The following SHISA5 variants were observed in gnomAD, a reference collection of about 807,000 sequenced individuals.
SHISA5 encodes the protein protein shisa-5.
SHISA5 carries 21 observed loss-of-function variants against 27.5 expected under a neutral mutation model. The observed-to-expected ratio is 0.76, with a 90% CI of 0.54 to 1.10. The LOEUF is 1.10. Ranked by LOEUF, SHISA5 falls within the 50% of genes least tolerant of loss-of-function variation. SHISA5 has a pLI of 0.00. For missense variants in SHISA5, 314 were observed against 336.3 expected (o/e 0.93, Z 0.52); for synonymous variants, 137 against 142.2 (o/e 0.96, Z 0.26).
rs772641828 is a variant in SHISA5 at position 48,496,161 on chromosome 3, G to A, written c.233+4976C>T. Among the ~76,000 whole-genome samples, 7 of 147,126 alleles carry A rather than the reference G, an allele frequency of 4.8e-5. 2 individuals carry two copies. The highest frequency in any genetic ancestry group is 1.8e-4 in the African/African-American group (7 of 37,846). ...GCAAAGATTAGCTGGGCATGGAGGCGTTCCCCTGTAATCCCAGCTACTCAA... is the reference window on the plus strand; with the variant it reads ...GCAAAGATTAGCTGGGCATGGAGGCATTCCCCTGTAATCCCAGCTACTCAA... On this transcript the variant is annotated intron_variant, in intron 2 of 5. Transcript: ENST00000296444.
intron 3 of SHISA5, among the ~76,000 whole-genome samples, chr3:48,471,855 G>C (rs2040638610): frequency 6.6e-6 from 1 of 151,628 alleles, no homozygotes; most frequent in South Asian, 2.1e-4. Context: ...CTCCAGCCTA[G>C]GCAACAAAAG....
intron 3 of SHISA5, among the ~76,000 whole-genome samples, chr3:48,478,704 G>A (rs9311427): frequency 0.019 from 2,872 of 152,182 alleles, 99 homozygotes; most frequent in African/African-American, 0.063. Flanking sequence ...GGCATCATTG[G>A]TTGTCCCAGG....
intron 2 of SHISA5, among the ~76,000 whole-genome samples, chr3:48,488,369 A>G (rs949414372): frequency 7.3e-5 from 11 of 150,638 alleles, no homozygotes; most frequent in African/African-American, 2.0e-4. Flanking sequence ...CTGGGACTAC[A>G]GGTGCCCACC....
chr3:48,503,691 G>A, intron 1 of SHISA5: 4 of 1,142,072 alleles, frequency 3.5e-6, no homozygotes, highest in Admixed American at 4.5e-5. Flanking sequence ...GCAGCCACCC[G>A]CCAGACTAAA....
intron 3 of SHISA5, chr3:48,476,848 G>A: frequency 3.6e-6 from 1 of 280,262 alleles, no homozygotes; most frequent in Non-Finnish European, 7.1e-6. Context: ...GGGCAAAATA[G>A]CCTGGGGCAG....
rs1160530717 is a variant in SHISA5, at chr3:48,489,796, T to TA, written c.234-10540dup. On this transcript the variant is annotated intron_variant, in intron 2 of 5. Transcript: ENST00000296444. ...GTGCATGCTACCATGCCCAGCTAAC[T>TA]AAAAAAAAAAAATCATGGAGACGAG... 4.5e-4 allele frequency among the ~76,000 whole-genome samples: 65 copies of TA among 143,488 alleles called. No individual in the cohort carries two copies. The Middle Eastern group carries it at 0.011, about 24-fold the overall frequency. The allele number at this position is 143,488 out of a possible 152,430, so 94.1% of individuals were successfully genotyped here.
At chr3:48,491,626 C>G (rs1422190258) in intron 2 of SHISA5, among the ~76,000 whole-genome samples, 2 of 151,986 alleles carry the variant, frequency 1.3e-5, no homozygotes, top group African/African-American at 2.4e-5. Context: ...CCTATCACTT[C>G]CTGCTGTTTT....
rs752408413 is a variant in SHISA5, at chr3:48,469,383, C to T, written c.621G>A (p.Pro207=). Reference sequence around the variant, plus strand: ...CACCAGCCAGGGTCTCGTGGTAGGCCGGTGGGCCCATGGGCTGGGCTGGGT... The same window carrying T: ...CACCAGCCAGGGTCTCGTGGTAGGCTGGTGGGCCCATGGGCTGGGCTGGGT... ...PPYPAQPMGP[P]AYHETLAGGA... Residue 207 remains proline, a synonymous_variant, in exon 5 of 6, where the codon CCG becomes CCA. Coordinates refer to ENST00000296444, the MANE Select transcript of SHISA5 (RefSeq NM_016479.6). The surrounding 1 kb of genome is among the most constrained non-coding windows in gnomAD (Gnocchi z 4.6). The T allele has an allele frequency of 6.0e-5, 95 of 1,594,622 alleles. No homozygotes were observed. Among genetic ancestry groups the T allele is most frequent in the South Asian group, 1.1e-5 (1 of 88,678 alleles).
chr3:48,467,929 A>C lies in SHISA5; in HGVS notation c.*1178T>G. ...GTGTACAGACCCTAGACTCAGAAAC[A>C]CAACAGATTTGAGCTAAGACAGCTC... On this transcript the variant is annotated 3_prime_UTR_variant, in exon 6 of 6. Coordinates refer to ENST00000296444, the MANE Select transcript of SHISA5 (RefSeq NM_016479.6). 1 of 337,016 alleles carries C rather than the reference A, an allele frequency of 3.0e-6. No homozygotes were observed. The highest frequency in any genetic ancestry group is 5.3e-6 in the Non-Finnish European group (1 of 187,004). 20.9% of individuals were successfully genotyped at this position (337,016 alleles called of 1,614,324 possible).
chr3:48,484,235 G>A (rs772259872), intron 2 of SHISA5, among the ~76,000 whole-genome samples: 13 of 152,264 alleles, frequency 8.5e-5, no homozygotes, highest in South Asian at 2.1e-4. Flanking sequence ...ATGTAAAAGC[G>A]TTATAAACAA....
chr3:48,483,233 C>A (rs570872613), intron 2 of SHISA5, among the ~76,000 whole-genome samples: 2 of 152,036 alleles, frequency 1.3e-5, no homozygotes, highest in African/African-American at 2.4e-5. Context: ...GAGGACCCTG[C>A]GGCCTTCAGC....
chr3:48,482,230 G>C (rs1365399593), intron 2 of SHISA5, among the ~76,000 whole-genome samples: 2 of 151,904 alleles, frequency 1.3e-5, no homozygotes, highest in Non-Finnish European at 2.9e-5. Flanking sequence ...ATAGACTTCT[G>C]ACAAGACTAA....
chr3:48,482,578 T>C (rs2041059104), intron 2 of SHISA5, among the ~76,000 whole-genome samples: 2 of 152,132 alleles, frequency 1.3e-5, no homozygotes, highest in Admixed American at 6.6e-5. Flanking sequence ...ATTGCCCTTA[T>C]ATTGGAAGGG....
At chr3:48,484,997 A>G (rs2041151177) in intron 2 of SHISA5, among the ~76,000 whole-genome samples, 2 of 151,982 alleles carry the variant, frequency 1.3e-5, no homozygotes, top group South Asian at 4.2e-4. Flanking sequence ...AGTCAAAACC[A>G]GACTGAGCAA....
intron 2 of SHISA5, among the ~76,000 whole-genome samples, chr3:48,483,007 T>C (rs1336468170): frequency 6.6e-6 from 1 of 151,898 alleles, no homozygotes; most frequent in Admixed American, 6.6e-5. Flanking sequence ...TCACTGCAGC[T>C]ATGACCTCCC....
intron 2 of SHISA5, among the ~76,000 whole-genome samples, chr3:48,489,538 G>A (rs1380899523): frequency 6.6e-6 from 1 of 151,498 alleles, no homozygotes; most frequent in East Asian, 1.9e-4. Context: ...TAGCCAGGAT[G>A]GTCTCGATCT....
Position 48,487,871 on chromosome 3 carries a change from G to T in SHISA5, c.234-8614C>A, listed in dbSNP as rs369875982. On this transcript the variant is annotated intron_variant, in intron 2 of 5. Coordinates refer to ENST00000296444, the MANE Select transcript of SHISA5 (RefSeq NM_016479.6). ...AGATCATGCCACTGCACTCCAGCCTGGGCAACAGAGTGAGACTCCGTCTCA... is the reference window on the plus strand; with the variant it reads ...AGATCATGCCACTGCACTCCAGCCTTGGCAACAGAGTGAGACTCCGTCTCA... Among the ~76,000 whole-genome samples, 30 of 152,294 alleles carry T rather than the reference G, an allele frequency of 2.0e-4. 1 individual carries two copies. Among genetic ancestry groups the T allele is most frequent in the African/African-American group, 2.9e-4 (12 of 41,562 alleles).
At chr3:48,487,147 C>T (rs2041277307) in intron 2 of SHISA5, among the ~76,000 whole-genome samples, 1 of 151,430 alleles carries the variant, frequency 6.6e-6, no homozygotes, top group Non-Finnish European at 1.5e-5. Flanking sequence ...CACACACACA[C>T]TCCCACACAC....
At position 48,469,509 on chromosome 3, in the gene SHISA5, C is replaced by T. The variant is rs1304394827; in HGVS notation, c.495G>A (p.Val165=). The change falls in exon 5 of 6, where the codon GTG becomes GTA. Residue 165 remains valine, a synonymous_variant. Coordinates refer to ENST00000296444, the MANE Select transcript of SHISA5 (RefSeq NM_016479.6). The surrounding 1 kb of genome is among the most constrained non-coding windows in gnomAD (Gnocchi z 4.6). ...AGCTTGGTCCAGGGTAGCTGGGCGG[C>T]ACACTTGGAGGCTGAGGATAAGGGG... ...VHAPYPQPPS[V]PPSYPGPSYQ... The T allele has an allele frequency of 6.2e-7, 1 of 1,613,694 alleles. No individual in the cohort carries two copies. The highest frequency in any genetic ancestry group is 1.7e-5 in the Admixed American group (1 of 59,966).
Sources: gnomAD v4.1 joint callset for allele counts (sites outside exome capture counted in the v4.1 genomes callset) on GRCh38, gnomAD v4.1.1 for gene constraint, Gnocchi (gnomAD v3.1) non-coding constraint, MANE v1.5 for transcripts, NCBI Gene and HGNC (gene_info 2026-07-23, HGNC 2026-07-21) for gene names.